The following PDE10A variants were observed in gnomAD, a reference collection of about 807,000 sequenced individuals.
PDE10A encodes cAMP and cAMP-inhibited cGMP 3',5'-cyclic phosphodiesterase 10A.
In PDE10A, 39 loss-of-function variants were observed where a neutral mutation model predicts 97.7. The ratio of observed to expected loss-of-function variants is 0.40; its 90% CI spans 0.31 to 0.52. PDE10A has a LOEUF of 0.52. Ranked by LOEUF, PDE10A falls within the 20% of genes least tolerant of loss-of-function variation. PDE10A has a pLI of 0.56. For missense variants in PDE10A, 731 were observed against 1,047.8 expected (o/e 0.70, Z 4.17); for synonymous variants, 371 against 376.8 (o/e 0.98, Z 0.18).
chr6:165,758,796 C>A (rs1162677225), intron 1 of PDE10A, among the ~76,000 whole-genome samples: 1 of 152,154 alleles, frequency 6.6e-6, no homozygotes, highest in Non-Finnish European at 1.5e-5. Flanking sequence ...TTCTTCCATT[C>A]TCAACATTGT....
chr6:165,687,718 G>C (rs1192400230), intron 1 of PDE10A, among the ~76,000 whole-genome samples: 1 of 152,202 alleles, frequency 6.6e-6, no homozygotes, highest in African/African-American at 2.4e-5. Context: ...GCTACTGGCT[G>C]CACATCCCCA....
At chr6:165,412,479 T>C (rs946158912) in intron 13 of PDE10A, among the ~76,000 whole-genome samples, 1 of 152,170 alleles carries the variant, frequency 6.6e-6, no homozygotes, top group Non-Finnish European at 1.5e-5. Context: ...GAGAGACACA[T>C]AGATACTAAA....
chr6:165,947,099 C>G (rs554257306), intron 1 of PDE10A: 1 of 152,318 alleles, frequency 6.6e-6, no homozygotes, highest in African/African-American at 2.4e-5. Context: ...TAATCTACCA[C>G]AGCTTCTTTA....
At chr6:165,777,168 A>G (rs1583073288) in intron 1 of PDE10A, among the ~76,000 whole-genome samples, 1 of 152,288 alleles carries the variant, frequency 6.6e-6, no homozygotes, top group East Asian at 1.9e-4. Flanking sequence ...TGGCATTGAT[A>G]GGGGCGGGGC....
At chr6:165,501,559 C>T (rs485021) in intron 2 of PDE10A, among the ~76,000 whole-genome samples, 61,496 of 149,084 alleles carry the variant, frequency 0.41, 17,120 homozygotes, top group African/African-American at 0.8. Flanking sequence ...GATGAAAGGG[C>T]GAGACTCCGT....
chr6:165,958,756 AGAAAGAAAGAAG>A (rs1294540804), intron 1 of PDE10A, among the ~76,000 whole-genome samples: 128 of 152,016 alleles, frequency 8.4e-4, no homozygotes, highest in African/African-American at 2.9e-3. Flanking sequence ...AGAGAAAGAA[AGAAAGAAAGAAG>A]AAAGCAAGCC....
At chr6:165,938,163 A>G (rs928227032) in intron 1 of PDE10A, among the ~76,000 whole-genome samples, 2 of 152,226 alleles carry the variant, frequency 1.3e-5, no homozygotes, top group Admixed American at 6.5e-5. Context: ...TCGAAGCACA[A>G]CTGTGAACAC....
At chr6:165,796,086 C>G (rs983263481) in intron 1 of PDE10A, among the ~76,000 whole-genome samples, 1 of 120,480 alleles carries the variant, frequency 8.3e-6, no homozygotes, top group Non-Finnish European at 1.7e-5. Context: ...TCTTTTTTTT[C>G]TTTTCTTTTT....
intron 1 of PDE10A, among the ~76,000 whole-genome samples, chr6:165,745,828 G>A (rs1792830048): frequency 6.6e-6 from 1 of 152,188 alleles, no homozygotes; most frequent in Non-Finnish European, 1.5e-5. Flanking sequence ...AAACATGCAA[G>A]AGAATGATAA....
upstream of PDE10A, among the ~76,000 whole-genome samples, chr6:165,665,419 A>AG (rs1291270983): frequency 2.6e-5 from 4 of 152,118 alleles, no homozygotes; most frequent in African/African-American, 9.7e-5. Context: ...GAAGGAGGAG[A>AG]GGGCTGTGAC....
chr6:165,958,723 GA>G (rs1197802519), intron 1 of PDE10A, among the ~76,000 whole-genome samples: 1,336 of 16,750 alleles, frequency 0.08, 52 homozygotes, highest in African/African-American at 0.29. Flanking sequence ...AGAGAAGAAA[GA>G]AAGAAAGAAA....
intron 15 of PDE10A, among the ~76,000 whole-genome samples, 176 bp downstream of exon 15, chr6:165,395,005 T>A (rs979200593): frequency 1.3e-5 from 2 of 152,236 alleles, no homozygotes; most frequent in Non-Finnish European, 2.9e-5. Flanking sequence ...AAAGGCTGCA[T>A]ATTTGTATAA....
At chr6:165,865,200 C>A (rs554669327) in intron 1 of PDE10A, among the ~76,000 whole-genome samples, 2 of 152,308 alleles carry the variant, frequency 1.3e-5, no homozygotes, top group African/African-American at 4.8e-5. Flanking sequence ...CTGAATACAA[C>A]TGAAGAAATC....
chr6:165,770,125 G>A (rs74418037), intron 1 of PDE10A, among the ~76,000 whole-genome samples: 4,410 of 101,122 alleles, frequency 0.044, 196 homozygotes, highest in African/African-American at 0.16. Flanking sequence ...ATTACCAAAT[G>A]AAAACAAACA....
chr6:165,386,541 T>C (rs942964166), intron 17 of PDE10A, among the ~76,000 whole-genome samples: 5 of 152,120 alleles, frequency 3.3e-5, no homozygotes, highest in African/African-American at 1.2e-4. Context: ...CTGGCGTTTA[T>C]TCTTCTTAAA....
At chr6:165,649,338 GA>G (rs1789561856) in intron 1 of PDE10A, among the ~76,000 whole-genome samples, 1 of 152,114 alleles carries the variant, frequency 6.6e-6, no homozygotes, top group Non-Finnish European at 1.5e-5. Context: ...AAATAAGCAG[GA>G]TGATATCCAA....
rs568636772 is a variant in PDE10A, at chr6:165,373,679, C to A, written c.2783+5515G>T. 2.9e-3 allele frequency among the ~76,000 whole-genome samples: 435 copies of A among 152,198 alleles called. 2 individuals carry two copies. Among genetic ancestry groups the A allele is most frequent in the African/African-American group, 0.01 (420 of 41,524 alleles). ...ATTGTGGAAGTCAGTGTGGCGATTC[C>A]TCAGGGATCTAGAACTAGAAATACC... On this transcript the variant is annotated intron_variant, in intron 18 of 21. Coordinates refer to ENST00000539869, the MANE Select transcript of PDE10A (RefSeq NM_001385079.1).
chr6:165,877,254 A>G (rs2128479867), intron 1 of PDE10A, among the ~76,000 whole-genome samples: 1 of 152,278 alleles, frequency 6.6e-6, no homozygotes, highest in South Asian at 2.1e-4. Context: ...TGCTCTCGTG[A>G]TAAATTCCAC....
intron 1 of PDE10A, among the ~76,000 whole-genome samples, chr6:165,797,128 T>C (rs1778851636): frequency 6.6e-6 from 1 of 152,194 alleles, no homozygotes; most frequent in Non-Finnish European, 1.5e-5. Flanking sequence ...CTTAGTCACA[T>C]TCAGGCGATG....
Sources: gnomAD v4.1 joint callset for allele counts (sites outside exome capture counted in the v4.1 genomes callset) on GRCh38, gnomAD v4.1.1 for gene constraint, MANE v1.5 for transcripts, NCBI Gene and HGNC (gene_info 2026-07-23, HGNC 2026-07-21) for gene names.